The following PLPPR1 variants were observed in gnomAD, a reference collection of about 807,000 sequenced individuals.
PLPPR1 encodes phospholipid phosphatase related 1, also known as phospholipid phosphatase-related protein type 1.
Under a neutral mutation model 33.1 loss-of-function variants are expected in PLPPR1, and 10 were observed. That is an observed-to-expected ratio of 0.30 (90% CI 0.19 to 0.51). The LOEUF (loss-of-function observed/expected upper bound fraction) is 0.51, where lower values mean the gene tolerates loss of function less well. PLPPR1 is among the 20% of genes least tolerant of loss of function. The probability of loss-of-function intolerance (pLI) is 0.97; values close to 1 mark genes in which losing one functional copy is unlikely to be tolerated. For missense variants in PLPPR1, 304 were observed against 408.1 expected (o/e 0.74, Z 2.20); for synonymous variants, 151 against 151.0 (o/e 1.00, Z 0.00).
intron 1 of PLPPR1, among the ~76,000 whole-genome samples, chr9:101,158,630 T>C (rs1831730399): frequency 6.6e-6 from 1 of 152,202 alleles, no homozygotes; most frequent in African/African-American, 2.4e-5. Context: ...GTAAAATGCA[T>C]GCCTCAGAAT....
intron 1 of PLPPR1, among the ~76,000 whole-genome samples, chr9:101,071,179 T>C (rs1830478625): frequency 6.6e-6 from 1 of 152,046 alleles, no homozygotes; most frequent in Non-Finnish European, 1.5e-5. Context: ...GAAGATAGCA[T>C]GCATTTGAGG....
chr9:101,299,854 A>T (rs1384400370), intron 4 of PLPPR1, among the ~76,000 whole-genome samples: 1 of 152,106 alleles, frequency 6.6e-6, no homozygotes, highest in Non-Finnish European at 1.5e-5. Context: ...GCATTGTATT[A>T]ATACAATGTT....
In PLPPR1 at chr9:101,266,175, C is replaced by T. The variant is rs146747772; in HGVS notation, c.64-3705C>T. Reference sequence around the variant, plus strand: ...GGCGCGGTGGCTCACGCCTGTAATCCCAACACTTTGGGAGGCTGAGATGGA... The same window carrying T: ...GGCGCGGTGGCTCACGCCTGTAATCTCAACACTTTGGGAGGCTGAGATGGA... On this transcript the variant is annotated intron_variant, in intron 2 of 7. Coordinates refer to ENST00000374874, the MANE Select transcript of PLPPR1 (RefSeq NM_207299.2). Among the ~76,000 whole-genome samples the T allele has an allele frequency of 5.4e-3, 826 of 151,922 alleles. 4 individuals carry two copies. The highest frequency in any genetic ancestry group is 0.01 in the Non-Finnish European group (682 of 67,946).
At chr9:101,112,339 G>A (rs550629716) in intron 1 of PLPPR1, among the ~76,000 whole-genome samples, 1 of 152,234 alleles carries the variant, frequency 6.6e-6, no homozygotes, top group South Asian at 2.1e-4. Flanking sequence ...GGAAATAAAA[G>A]TTTATTTTCA....
intron 3 of PLPPR1, among the ~76,000 whole-genome samples, chr9:101,283,988 G>A (rs937452799): frequency 5.9e-5 from 9 of 151,984 alleles, no homozygotes; most frequent in Admixed American, 6.6e-5. Flanking sequence ...AAATATTGGT[G>A]GGAATATAGA....
chr9:101,127,651 G>A lies in PLPPR1; in HGVS notation c.-45-57799G>A, dbSNP rs561771110. Among the ~76,000 whole-genome samples the A allele has an allele frequency of 2.0e-3, 312 of 152,274 alleles. 2 individuals carry two copies. The highest frequency in any genetic ancestry group is 3.4e-3 in the Middle Eastern group (1 of 294). ...GACACATTCCAGAGCCACGAGCCCT[G>A]GATTCTATCCAAGCTACGAGGGATT... On this transcript the variant is annotated intron_variant, in intron 1 of 7. Coordinates refer to ENST00000374874, the MANE Select transcript of PLPPR1 (RefSeq NM_207299.2).
chr9:101,030,485 A>G (rs2249023), intron 1 of PLPPR1, among the ~76,000 whole-genome samples: 94,371 of 151,036 alleles, frequency 0.62, 30,834 homozygotes, highest in East Asian at 0.9. Flanking sequence ...CTGGGATAAC[A>G]TTTAGCATAC....
intron 1 of PLPPR1, among the ~76,000 whole-genome samples, chr9:101,089,167 C>T (rs1382827967): frequency 6.6e-6 from 1 of 152,090 alleles, no homozygotes; most frequent in African/African-American, 2.4e-5. Flanking sequence ...TCAGTTTTAT[C>T]ATTCAATCCT....
At chr9:101,225,951 A>C (rs765032134) in intron 2 of PLPPR1, among the ~76,000 whole-genome samples, 1 of 152,028 alleles carries the variant, frequency 6.6e-6, no homozygotes. Context: ...AGGCCCAGAG[A>C]GATTAAAGTC....
At chr9:101,284,864 T>C (rs1261129444) in intron 3 of PLPPR1, among the ~76,000 whole-genome samples, 1 of 152,204 alleles carries the variant, frequency 6.6e-6, no homozygotes, top group Non-Finnish European at 1.5e-5. Context: ...GATGATCATC[T>C]ATGAGATCAC....
At chr9:101,211,733 T>C (rs759610234) in intron 2 of PLPPR1, among the ~76,000 whole-genome samples, 2 of 152,234 alleles carry the variant, frequency 1.3e-5, no homozygotes, top group Non-Finnish European at 2.9e-5. Context: ...GATTTTAGTC[T>C]TTTGGACAGA....
chr9:101,253,222 T>C (rs1429935224), intron 2 of PLPPR1, among the ~76,000 whole-genome samples: 1 of 151,846 alleles, frequency 6.6e-6, no homozygotes, highest in East Asian at 1.9e-4. Flanking sequence ...AGCAATCAGG[T>C]GTCTTTTTTT....
intron 2 of PLPPR1, among the ~76,000 whole-genome samples, chr9:101,238,137 A>G (rs1827357336): frequency 1.4e-5 from 2 of 138,966 alleles, no homozygotes; most frequent in African/African-American, 2.6e-5. Flanking sequence ...ATATACATAT[A>G]CACACATATA....
At chr9:101,200,720 T>G (rs973316044) in intron 2 of PLPPR1, among the ~76,000 whole-genome samples, 2 of 152,218 alleles carry the variant, frequency 1.3e-5, no homozygotes, top group African/African-American at 4.8e-5. Context: ...CCAACGCATT[T>G]TAATCATTTG....
intron 4 of PLPPR1, among the ~76,000 whole-genome samples, chr9:101,297,156 C>T (rs7037136): frequency 0.1 from 15,894 of 152,052 alleles, 1,835 homozygotes; most frequent in African/African-American, 0.29. Context: ...TCTAATGTTC[C>T]ATAATTTTAA....
intron 4 of PLPPR1, among the ~76,000 whole-genome samples, chr9:101,286,545 G>A (rs1201592718): frequency 1.3e-5 from 2 of 152,126 alleles, no homozygotes; most frequent in East Asian, 3.9e-4. Context: ...GTTGGGGTGG[G>A]GGAGCATCAG....
At chr9:101,284,921 G>A (rs1383467133) in intron 3 of PLPPR1, among the ~76,000 whole-genome samples, 2 of 152,146 alleles carry the variant, frequency 1.3e-5, no homozygotes, top group African/African-American at 4.8e-5. Context: ...AATCAAAATG[G>A]CATATGAATA....
intron 2 of PLPPR1, among the ~76,000 whole-genome samples, chr9:101,254,747 A>AT (rs966665744): frequency 4.6e-5 from 7 of 152,180 alleles, no homozygotes; most frequent in Non-Finnish European, 5.9e-5. Flanking sequence ...CCAATACATT[A>AT]TTTTTTAACA....
chr9:101,257,565 T>A (rs867214352), intron 2 of PLPPR1, among the ~76,000 whole-genome samples: 1 of 152,166 alleles, frequency 6.6e-6, no homozygotes, highest in Non-Finnish European at 1.5e-5. Flanking sequence ...CATCACATTA[T>A]GCTGTGAAGA....
Sources: gnomAD v4.1 joint callset for allele counts (sites outside exome capture counted in the v4.1 genomes callset) on GRCh38, gnomAD v4.1.1 for gene constraint, MANE v1.5 for transcripts, NCBI Gene and HGNC (gene_info 2026-07-23, HGNC 2026-07-21) for gene names.